Variants in DTNA observed in about 807,000 individuals in gnomAD.
The protein encoded by DTNA is dystrobrevin alpha, also known as dystrophin-related protein 3.
DTNA carries 43 observed loss-of-function variants against 100.7 expected under a neutral mutation model. That is an observed-to-expected ratio of 0.43 (90% CI 0.33 to 0.55). DTNA has a LOEUF of 0.55. Among genes scored for constraint, DTNA ranks in the 20% least tolerant of loss-of-function variants. The pLI, the probability that DTNA is intolerant of heterozygous loss-of-function variation, is 0.04. For missense variants in DTNA, 798 were observed against 953.9 expected (o/e 0.84, Z 2.15); for synonymous variants, 349 against 347.9 (o/e 1.00, Z -0.04).
intron 4 of DTNA, among the ~76,000 whole-genome samples, chr18:34,801,907 T>TAAA (rs1287420011): frequency 6.6e-6 from 1 of 152,242 alleles, no homozygotes; most frequent in Non-Finnish European, 1.5e-5. Context: ...CTAGCAGCCT[T>TAAA]AATTCACAAA....
chr18:34,672,371 A>T (rs932509243), intron 1 of DTNA, among the ~76,000 whole-genome samples: 1 of 152,214 alleles, frequency 6.6e-6, no homozygotes, highest in Non-Finnish European at 1.5e-5. Flanking sequence ...TTTTTTAAAA[A>T]GATACAAAAT....
chr18:34,801,285 A>G (rs986654111), intron 4 of DTNA, among the ~76,000 whole-genome samples: 1 of 152,172 alleles, frequency 6.6e-6, no homozygotes, highest in African/African-American at 2.4e-5. Context: ...ATATACCAAT[A>G]CACAATTTTA....
chr18:34,828,200 G>C (rs1323375598), intron 10 of DTNA, among the ~76,000 whole-genome samples: 3 of 152,228 alleles, frequency 2.0e-5, no homozygotes, highest in Admixed American at 2.0e-4. Flanking sequence ...TTTTTTAAAA[G>C]GTGGATCTGC....
chr18:34,636,089 A>C lies in DTNA; in HGVS notation c.-1-119887A>C, dbSNP rs141335152. Among the ~76,000 whole-genome samples the C allele has an allele frequency of 2.6e-5, 4 of 152,330 alleles. No homozygotes were observed. The East Asian group carries it at 7.7e-4, about 29-fold the overall frequency. ...CAGTGTGCAGCAAGTCTTTATGTAT[A>C]CTTTCCATTTCATCACACAAAATGT... On this transcript the variant is annotated intron_variant, in intron 1 of 19. Transcript: ENST00000283365.
At position 34,677,106 on chromosome 18, in the gene DTNA, A is replaced by G. The variant is rs376423128; in HGVS notation, c.-1-78870A>G. Among the ~76,000 whole-genome samples, 53 of 152,232 alleles carry G rather than the reference A, an allele frequency of 3.5e-4. No individual in the cohort carries two copies. In the Middle Eastern group the frequency reaches 0.01, roughly 29 times the overall value. On this transcript the variant is annotated intron_variant, in intron 1 of 19. Transcript: ENST00000283365. ...GGATCTGCCTCCAGATTAGACAACTAACTTCTTTTAATCACTATCTGTGAT... is the reference window on the plus strand; with the variant it reads ...GGATCTGCCTCCAGATTAGACAACTGACTTCTTTTAATCACTATCTGTGAT...
chr18:34,776,185 C>T (rs992879622), intron 3 of DTNA, among the ~76,000 whole-genome samples: 1 of 152,244 alleles, frequency 6.6e-6, no homozygotes, highest in East Asian at 1.9e-4. Context: ...CCCTTATCAT[C>T]ATAGAGGGAG....
chr18:34,542,756 A>C, intron 1 of DTNA, among the ~76,000 whole-genome samples: 1 of 152,060 alleles, frequency 6.6e-6, no homozygotes, highest in East Asian at 1.9e-4. Context: ...TACCTGTATA[A>C]TTTTTAAAAA....
chr18:34,859,865 T>C (rs1186499067), intron 16 of DTNA, among the ~76,000 whole-genome samples: 5 of 152,228 alleles, frequency 3.3e-5, no homozygotes, highest in African/African-American at 1.2e-4. Flanking sequence ...TGAGTCTTGC[T>C]GTGGGCTCCA....
At chr18:34,866,875 CT>C (rs778058745) in intron 17 of DTNA, 8,272 of 792,766 alleles carry the variant, frequency 0.01, no homozygotes, top group East Asian at 0.04. Flanking sequence ...TCATTACATA[CT>C]TTTTTTTTTT....
chr18:34,739,796 T>C (rs1369802251), intron 1 of DTNA, among the ~76,000 whole-genome samples: 1 of 152,190 alleles, frequency 6.6e-6, no homozygotes, highest in African/African-American at 2.4e-5. Context: ...CTTCTGAGTT[T>C]CATTGTTCTC....
chr18:34,547,996 A>G (rs113105498), intron 1 of DTNA, among the ~76,000 whole-genome samples: 1 of 152,296 alleles, frequency 6.6e-6, no homozygotes, highest in African/African-American at 2.4e-5. Flanking sequence ...TTAATGGAAG[A>G]TTAAAAGATT....
At chr18:34,795,735 T>C (rs1392904487) in intron 4 of DTNA, among the ~76,000 whole-genome samples, 2 of 152,202 alleles carry the variant, frequency 1.3e-5, no homozygotes, top group Non-Finnish European at 2.9e-5. Flanking sequence ...AGAGAACTCA[T>C]AAAGAATCAA....
chr18:34,593,093 G>A (rs1268889983), intron 1 of DTNA, among the ~76,000 whole-genome samples: 2 of 152,242 alleles, frequency 1.3e-5, no homozygotes, highest in South Asian at 4.1e-4. Flanking sequence ...TGAGTCCTCG[G>A]GCTGATGTTC....
chr18:34,867,727 C>G, intron 17 of DTNA: 1 of 985,616 alleles, frequency 1.0e-6, no homozygotes, highest in Non-Finnish European at 1.2e-6. Context: ...TTGAAAGGCT[C>G]CTATGGACCA....
rs373772446 is a variant in DTNA, at chr18:34,744,715, C to T, written c.-1-11261C>T. Among the ~76,000 whole-genome samples the T allele has an allele frequency of 6.6e-5, 10 of 152,220 alleles. No homozygotes were observed. The South Asian group carries it at 1.5e-3, about 22-fold the overall frequency. On this transcript the variant is annotated intron_variant, in intron 1 of 22. Coordinates refer to ENST00000444659, the MANE Select transcript of DTNA (RefSeq NM_001386795.1). The stretch of plus-strand genomic sequence containing the variant: ...TCCTTGGCAAAAGTGGGCCATTGCA[C>T]AACCCGTGAACTCCATCCTGCCCAG...
intron 13 of DTNA, among the ~76,000 whole-genome samples, chr18:34,847,651 C>T (rs1448824401): frequency 6.6e-6 from 1 of 152,186 alleles, no homozygotes; most frequent in Non-Finnish European, 1.5e-5. Context: ...TAGGTCTTTC[C>T]ATAAAGGCTG....
chr18:34,562,288 T>C, intron 1 of DTNA, among the ~76,000 whole-genome samples: 1 of 152,216 alleles, frequency 6.6e-6, no homozygotes, highest in East Asian at 1.9e-4. Flanking sequence ...TTCACATTTA[T>C]TACTCTCCAT....
At chr18:34,610,602 A>G (rs933786372) in intron 1 of DTNA, among the ~76,000 whole-genome samples, 6 of 152,204 alleles carry the variant, frequency 3.9e-5, no homozygotes, top group African/African-American at 1.4e-4. Context: ...GCAGAGAACT[A>G]CATAAGTAAC....
chr18:34,887,217 G>C (rs1460415729), intron 22 of DTNA, among the ~76,000 whole-genome samples: 1 of 152,132 alleles, frequency 6.6e-6, no homozygotes, highest in Admixed American at 6.5e-5. Context: ...CTGGTTTATT[G>C]GTTTTCAACT....
Sources: allele counts gnomAD v4.1 joint callset (sites outside exome capture counted in the v4.1 genomes callset), GRCh38; gene constraint gnomAD v4.1.1; transcripts MANE v1.5; gene names NCBI Gene and HGNC (gene_info 2026-07-23, HGNC 2026-07-21).